The following ALOX15B variants were observed in gnomAD, a reference collection of about 807,000 sequenced individuals.
ALOX15B encodes the protein polyunsaturated fatty acid lipoxygenase ALOX15B.
In ALOX15B, 74 loss-of-function variants were observed where a neutral mutation model predicts 73.8. The observed-to-expected ratio is 1.00, with a 90% CI of 0.83 to 1.22. The LOEUF (loss-of-function observed/expected upper bound fraction) is 1.22, where lower values mean the gene tolerates loss of function less well. Ranked by LOEUF, ALOX15B falls within the 50% of genes most tolerant of loss-of-function variation. The probability of loss-of-function intolerance (pLI) is 0.00; values close to 1 mark genes in which losing one functional copy is unlikely to be tolerated. For missense variants in ALOX15B, 896 were observed against 859.9 expected (o/e 1.04, Z -0.52); for synonymous variants, 353 against 357.2 (o/e 0.99, Z 0.13).
rs1410099838 is a variant in ALOX15B, at chr17:8,039,310, C to T, written c.147+8C>T. ...GAGTTCACTGCGGGCGCTGTGAGTG[C>T]GTGGGAGTGGATGGGGTGGAGGTGA... On this transcript the variant is annotated splice_region_variant and intron_variant, in intron 1 of 13. Coordinates refer to ENST00000380183, the MANE Select transcript of ALOX15B (RefSeq NM_001141.3). The T allele has an allele frequency of 6.3e-7, 1 of 1,585,952 alleles. No individual in the cohort carries two copies. Among genetic ancestry groups the T allele is most frequent in the East Asian group, 2.2e-5 (1 of 44,606 alleles).
intron 4 of ALOX15B, 122 bp from the exon 5 acceptor site, chr17:8,042,658 AG>A: frequency 1.5e-6 from 2 of 1,320,662 alleles, no homozygotes; most frequent in Non-Finnish European, 2.1e-6. Flanking sequence ...CAGCTACCTT[AG>A]GGGTAGTGAC....
intron 3 of ALOX15B, 104 bp downstream of exon 3, chr17:8,040,087 C>A: frequency 9.3e-7 from 1 of 1,078,548 alleles, no homozygotes; most frequent in Non-Finnish European, 1.3e-6. Context: ...TCCACCTCTC[C>A]TATCAAAGCT....
chr17:8,048,439 G>A lies in ALOX15B; in HGVS notation c.1905G>A (p.Arg635=), dbSNP rs1369891141. 1.2e-6 allele frequency: 2 copies of A among 1,614,082 alleles called. No homozygotes were observed. The highest frequency in any genetic ancestry group is 1.7e-5 in the Admixed American group (1 of 60,028). Residue 635 remains arginine, a synonymous_variant, in exon 14 of 14, where the codon CGG becomes CGA. Transcript: ENST00000380183. The stretch of plus-strand genomic sequence containing the variant: ...ACTTCACAGAGGAGGCCCCTCGGCG[G>A]AGCATCGCCACCTTCCAGAGCCGCC... ...DEHFTEEAPR[R]SIATFQSRLA... is the part of the protein sequence containing the mutation.
chr17:8,047,656 G>A lies in ALOX15B; in HGVS notation c.1672G>A (p.Ala558Thr), dbSNP rs756876561. The A allele has an allele frequency of 6.2e-7, 1 of 1,612,378 alleles. No homozygotes were observed. Among genetic ancestry groups the A allele is most frequent in the Non-Finnish European group, 8.5e-7 (1 of 1,179,144 alleles). ...CTCCGCCAAGCATGCGGCTGTCAGT[G>A]CAGGGCAGGTGAGGAAAGGCCAGCG... The part of the protein sequence containing the change: ...TCSAKHAAVS[A>T]GQFDSCAWMP... Residue 558 changes from alanine to threonine, a missense_variant, in exon 12 of 14, where the codon GCA (alanine) becomes ACA (threonine). Coordinates refer to ENST00000380183, the MANE Select transcript of ALOX15B (RefSeq NM_001141.3).
At chr17:8,039,865 T>C in intron 2 of ALOX15B, 37 bp from the exon 3 acceptor site, 1 of 1,573,088 alleles carries the variant, frequency 6.4e-7, no homozygotes, top group Non-Finnish European at 8.7e-7. Context: ...ATGGTGAGTT[T>C]CTCTCCCCAC....
At chr17:8,044,135 G>GGAAA (rs1976537218) in intron 5 of ALOX15B, among the ~76,000 whole-genome samples, 2 of 147,736 alleles carry the variant, frequency 1.4e-5, no homozygotes, top group African/African-American at 5.0e-5. Flanking sequence ...AAGGAAGGAA[G>GGAAA]GAAGGAAGGA....
At position 8,047,877 on chromosome 17, in the gene ALOX15B, C is replaced by T. The variant is rs1194420956; in HGVS notation, c.1813C>T (p.Leu605Phe). 9.9e-6 allele frequency: 16 copies of T among 1,614,048 alleles called. No individual in the cohort carries two copies. The highest frequency in any genetic ancestry group is 1.3e-5 in the African/African-American group (1 of 74,932). ...TGTCAATGCCACATGTGATGTCATC[C>T]TTGCTCTCTGGTTGCTGAGCAAGGA... ...PPVNATCDVI[L>F]ALWLLSKEPG... The change falls in exon 13 of 14, where the codon CTT becomes TTT. Residue 605 changes from leucine to phenylalanine, a missense_variant. Transcript: ENST00000380183.
rs1268592599 is a variant in ALOX15B, at chr17:8,045,665, C to T, written c.1179C>T (p.Pro393=). The change falls in exon 8 of 14, where the codon CCC becomes CCT. Residue 393 remains proline (P), a synonymous_variant. Transcript: ENST00000380183. ...VFTLATLRQL[P]HCHPLFKLLI... is the part of the protein sequence containing the mutation. ...CCCTGGCTACCCTGCGTCAGCTGCC[C>T]CACTGCCACCCTCTCTTCAAGGTCA... 3 of 1,613,868 alleles carry T rather than the reference C, an allele frequency of 1.9e-6. No individual in the cohort carries two copies. Among genetic ancestry groups the T allele is most frequent in the East Asian group, 4.5e-5 (2 of 44,892 alleles).
chr17:8,047,234 G>T, intron 10 of ALOX15B, 24 bp from the exon 11 acceptor site: 2 of 1,613,786 alleles, frequency 1.2e-6, no homozygotes, highest in South Asian at 2.2e-5. Context: ...TTGGAGGCTG[G>T]ACCTGAACCT....
In ALOX15B at chr17:8,039,506, C is replaced by T. The variant is rs368311556; in HGVS notation, c.268C>T (p.Arg90Cys). ...CCTGGCCCCGGATGCCTGGTTCTGC[C>T]GCTGGTTCCAGCTGACACCGCCGCG... The part of the protein sequence containing the change: ...GPLAPDAWFC[R>C]WFQLTPPRGG... The change falls in exon 2 of 14, where the codon CGC (arginine) becomes TGC (cysteine). Residue 90 changes from arginine (R) to cysteine (C), a missense_variant. Arg to Cys is a radical substitution (Grantham distance 180). Coordinates refer to ENST00000380183, the MANE Select transcript of ALOX15B (RefSeq NM_001141.3). 8.0e-5 allele frequency: 126 copies of T among 1,570,012 alleles called. No individual in the cohort carries two copies. Among genetic ancestry groups the T allele is most frequent in the Non-Finnish European group, 1.1e-4 (124 of 1,160,586 alleles).
Position 8,045,457 on chromosome 17 carries a change from C to T in ALOX15B, c.997-26C>T, listed in dbSNP as rs773537162. The T allele has an allele frequency of 2.9e-5, 46 of 1,613,786 alleles. No homozygotes were observed. In the East Asian group the frequency reaches 5.8e-4, roughly 20 times the overall value. Reference sequence around the variant, plus strand: ...ATGGTTGGAAGACACTCATGGCTGCCTCTCTCCCCACCTGCCTCCCCCCAG... The same window carrying T: ...ATGGTTGGAAGACACTCATGGCTGCTTCTCTCCCCACCTGCCTCCCCCCAG... On this transcript the variant is annotated intron_variant, in intron 7 of 13. Coordinates refer to ENST00000380183, the MANE Select transcript of ALOX15B (RefSeq NM_001141.3).
In ALOX15B at chr17:8,039,233, C is replaced by T. The variant is rs867207144; in HGVS notation, c.78C>T (p.Ile26=). 1.9e-6 allele frequency: 3 copies of T among 1,607,842 alleles called. No homozygotes were observed. Among genetic ancestry groups the T allele is most frequent in the African/African-American group, 1.3e-5 (1 of 74,926 alleles). Residue 26 remains isoleucine, a synonymous_variant, in exon 1 of 14, where the codon ATC becomes ATT. Coordinates refer to ENST00000380183, the MANE Select transcript of ALOX15B (RefSeq NM_001141.3). ...AGTWDKVSVS[I]VGTRGESPPL... is the part of the protein sequence containing the mutation. The stretch of plus-strand genomic sequence containing the variant: ...CATGGGACAAAGTGTCTGTCAGCAT[C>T]GTGGGGACCCGGGGAGAGAGCCCCC...
intron 3 of ALOX15B, 21 bp downstream of exon 3, chr17:8,040,004 G>A: frequency 4.3e-6 from 7 of 1,609,746 alleles, no homozygotes; most frequent in Admixed American, 1.7e-5. Context: ...GGTTACTGAT[G>A]GGGGAGGGTG....
chr17:8,039,575 G>A lies in ALOX15B; in HGVS notation c.337G>A (p.Ala113Thr). 6.5e-7 allele frequency: 1 copy of A among 1,535,724 alleles called. No homozygotes were observed. Among genetic ancestry groups the A allele is most frequent in the Admixed American group, 2.0e-5 (1 of 50,998 alleles). ...CCCCTGCTACCAGTGGCTGGAGGGG[G>A]CGGGGACCCTGGTGCTGCAGGAGGG... ...LFPCYQWLEG[A>T]GTLVLQEGTA... Residue 113 changes from alanine (A) to threonine (T), a missense_variant, in exon 2 of 14, where the codon GCG becomes ACG. Coordinates refer to ENST00000380183, the MANE Select transcript of ALOX15B (RefSeq NM_001141.3).
chr17:8,040,654 A>AG lies in ALOX15B; in HGVS notation c.449+671_449+672insG, dbSNP rs59787784. On this transcript the variant is annotated intron_variant, in intron 3 of 13. Transcript: ENST00000380183. Reference sequence around the variant, plus strand: ...AAGAAAGAAAGAAAGAAAGAAAGAAAAGAAAGAGAAAGAAACTGCTTTAAA... The same window carrying AG: ...AAGAAAGAAAGAAAGAAAGAAAGAAAGAGAAAGAGAAAGAAACTGCTTTAAA... Among the ~76,000 whole-genome samples the AG allele has an allele frequency of 8.0e-5, 12 of 150,186 alleles. No individual in the cohort carries two copies. The East Asian group carries it at 1.0e-3, about 13-fold the overall frequency.
chr17:8,047,987 C>T lies in ALOX15B; in HGVS notation c.1851+72C>T, dbSNP rs1976659879. 3 of 1,518,302 alleles carry T rather than the reference C, an allele frequency of 2.0e-6. No homozygotes were observed. The South Asian group carries it at 3.7e-5, about 19-fold the overall frequency. The allele number at this position is 1,518,302 out of a possible 1,614,324, so 94.1% of individuals were successfully genotyped here. A position where few individuals can be genotyped will look rare whatever the true frequency, so the allele number is the denominator to read the frequency against. On this transcript the variant is annotated intron_variant, in intron 13 of 13. Coordinates refer to ENST00000380183, the MANE Select transcript of ALOX15B (RefSeq NM_001141.3). The stretch of plus-strand genomic sequence containing the variant: ...AGGGTGTGATGTTTACCCTGCTGGC[C>T]CAGACCCAACCCTGCCATCAGGTAG...
At position 8,039,102 on chromosome 17, in the gene ALOX15B, G is replaced by A; in HGVS notation, c.-54G>A. The A allele has an allele frequency of 1.3e-6, 2 of 1,579,112 alleles. No homozygotes were observed. Among genetic ancestry groups the A allele is most frequent in the African/African-American group, 1.4e-5 (1 of 73,802 alleles). ...CAATAACCAGGCGTGTCCCAGGGGG[G>A]AGCCCCGCTCTGCAGCCCTGTGCGC... On this transcript the variant is annotated 5_prime_UTR_variant, in exon 1 of 14. Transcript: ENST00000380183.
At position 8,048,393 on chromosome 17, in the gene ALOX15B, T is replaced by A. The variant is rs1291490300; in HGVS notation, c.1859T>A (p.Leu620Gln). The A allele has an allele frequency of 3.7e-6, 6 of 1,611,916 alleles. No homozygotes were observed. The highest frequency in any genetic ancestry group is 5.1e-6 in the Non-Finnish European group (6 of 1,178,704). ...CTTGTGGTGGATCCTCAGAGGCCCC[T>A]GGGCACCTATCCGGATGAGCACTTC... ...LSKEPGDQRP[L>Q]GTYPDEHFTE... The change falls in exon 14 of 14, where the codon CTG becomes CAG. Residue 620 changes from leucine to glutamine, a missense_variant. Coordinates refer to ENST00000380183, the MANE Select transcript of ALOX15B (RefSeq NM_001141.3).
intron 5 of ALOX15B, among the ~76,000 whole-genome samples, chr17:8,043,526 A>G (rs1276941178): frequency 1.3e-5 from 2 of 152,208 alleles, no homozygotes; most frequent in East Asian, 3.8e-4. Flanking sequence ...TTTGTCGGCC[A>G]TGGCAGGACT....
Sources: allele counts gnomAD v4.1 joint callset (sites outside exome capture counted in the v4.1 genomes callset), GRCh38; gene constraint gnomAD v4.1.1; transcripts MANE v1.5; gene names NCBI Gene and HGNC (gene_info 2026-07-23, HGNC 2026-07-21).